DYSF: variants seen among roughly 807,000 people sequenced by gnomAD.
DYSF encodes the protein dystrophy-associated fer-1-like 1.
A neutral mutation model predicts 274.9 loss-of-function variants in DYSF; 212 were observed. The observed-to-expected ratio is 0.77, with a 90% confidence interval of 0.69 to 0.86. The LOEUF (loss-of-function observed/expected upper bound fraction) is 0.86. Ranked by LOEUF, DYSF falls within the 40% of genes least tolerant of loss-of-function variation. The pLI, the probability that DYSF is intolerant of heterozygous loss-of-function variation, is 0.00. For missense variants in DYSF, 2,666 were observed against 2,783.2 expected (o/e 0.96, Z 0.95); for synonymous variants, 1,091 against 1,078.7 (o/e 1.01, Z -0.22).
chr2:71,665,571 G>C (rs867966306), intron 47 of DYSF, among the ~76,000 whole-genome samples: 1 of 152,214 alleles, frequency 6.6e-6, no homozygotes, highest in Non-Finnish European at 1.5e-5. Context: ...CCATCCGAGG[G>C]CAAGATCAGA....
chr2:71,577,795 C>A (rs2152828478), intron 30 of DYSF, among the ~76,000 whole-genome samples: 1 of 152,280 alleles, frequency 6.6e-6, no homozygotes, highest in East Asian at 1.9e-4. Context: ...GTCCTGATGC[C>A]CCAGCACAGC....
chr2:71,585,923 G>C lies in DYSF; in HGVS notation c.3403-3670G>C, dbSNP rs536080590. Among the ~76,000 whole-genome samples the C allele has an allele frequency of 6.6e-5, 10 of 152,262 alleles. No individual in the cohort carries two copies. The South Asian group carries it at 2.1e-3, about 32-fold the overall frequency. ...CCTTGCAGGGTGACCTTGATGATAA[G>C]ACTGCACAGAAACGTCAGGGGACAC... On this transcript the variant is annotated intron_variant, in intron 30 of 55. Transcript: ENST00000410020.
chr2:71,476,324 G>A (rs62143763), intron 1 of DYSF, among the ~76,000 whole-genome samples: 36,134 of 151,926 alleles, frequency 0.24, 4,805 homozygotes, highest in Non-Finnish European at 0.3. Context: ...GGCCGAGGTG[G>A]GCAGACCACC....
chr2:71,647,208 A>G (rs903584903), intron 42 of DYSF, among the ~76,000 whole-genome samples: 5 of 152,198 alleles, frequency 3.3e-5, no homozygotes, highest in Non-Finnish European at 7.3e-5. Flanking sequence ...CTGAATAACA[A>G]GGTAAATGTT....
At position 71,677,365 on chromosome 2, in the gene DYSF, A is replaced by G. The variant is rs79691867; in HGVS notation, c.5885-1692A>G. On this transcript the variant is annotated intron_variant, in intron 52 of 55. Transcript: ENST00000410020. ...TTTGGCTTCAGAAAATAATTTTTCT[A>G]TTGATCTCTCTTAATCCCTTTGGCA... Among the ~76,000 whole-genome samples, 922 of 152,320 alleles carry G rather than the reference A, an allele frequency of 6.1e-3. 10 individuals are homozygous for G. Among genetic ancestry groups the G allele is most frequent in the African/African-American group, 0.021 (879 of 41,580 alleles).
intron 4 of DYSF, among the ~76,000 whole-genome samples, chr2:71,511,569 A>G (rs1003479839): frequency 6.6e-6 from 1 of 152,200 alleles, no homozygotes; most frequent in African/African-American, 2.4e-5. Context: ...GCGGTCACAG[A>G]TCTTGCCTAA....
intron 13 of DYSF, among the ~76,000 whole-genome samples, chr2:71,527,901 C>T (rs956079040): frequency 1.3e-4 from 19 of 151,960 alleles, no homozygotes; most frequent in African/African-American, 4.1e-4. Flanking sequence ...TCAGGTAAAT[C>T]GCTGCGCTAA....
At chr2:71,645,488 GC>G (rs942797494) in intron 42 of DYSF, among the ~76,000 whole-genome samples, 16 of 151,878 alleles carry the variant, frequency 1.1e-4, no homozygotes, top group African/African-American at 3.6e-4. Flanking sequence ...GTGTTCCTCT[GC>G]TTGTGTGTTC....
intron 3 of DYSF, among the ~76,000 whole-genome samples, chr2:71,483,537 C>T (rs888733111): frequency 6.6e-6 from 1 of 152,142 alleles, no homozygotes; most frequent in African/African-American, 2.4e-5. Flanking sequence ...GACTCAGTCT[C>T]ACGACACGTG....
chr2:71,660,874 G>A (rs1445944983), intron 45 of DYSF, among the ~76,000 whole-genome samples: 4 of 152,014 alleles, frequency 2.6e-5, no homozygotes, highest in Middle Eastern at 3.2e-3. Flanking sequence ...AAACAATTAC[G>A]TCTAAGATCA....
At chr2:71,681,480 G>A (rs902672981) in intron 54 of DYSF, among the ~76,000 whole-genome samples, 4 of 152,234 alleles carry the variant, frequency 2.6e-5, no homozygotes, top group African/African-American at 9.6e-5. Context: ...AGCTAGGACA[G>A]TGGTGAAGCA....
At chr2:71,678,417 A>G (rs78669883) in intron 52 of DYSF, among the ~76,000 whole-genome samples, 1,682 of 152,354 alleles carry the variant, frequency 0.011, 42 homozygotes, top group African/African-American at 0.038. Flanking sequence ...ATGGAAATCA[A>G]AATAAGCCAG....
intron 29 of DYSF, among the ~76,000 whole-genome samples, chr2:71,571,366 G>T (rs947096746): frequency 7.7e-6 from 1 of 129,402 alleles, no homozygotes; most frequent in African/African-American, 3.0e-5. Flanking sequence ...ATCACACCCA[G>T]CACATGCACA....
At chr2:71,560,942 G>T (rs998292454) in intron 22 of DYSF, among the ~76,000 whole-genome samples, 1 of 152,202 alleles carries the variant, frequency 6.6e-6, no homozygotes, top group Non-Finnish European at 1.5e-5. Flanking sequence ...GGAGTGCACA[G>T]ACTGCCCCGC....
chr2:71,662,769 ATG>A (rs750036259), intron 45 of DYSF, among the ~76,000 whole-genome samples: 101 of 123,774 alleles, frequency 8.2e-4, no homozygotes, highest in African/African-American at 2.7e-3. Flanking sequence ...GTGTATTTGT[ATG>A]TGTGTGTGTA....
intron 32 of DYSF, among the ~76,000 whole-genome samples, chr2:71,597,113 G>A (rs993837779): frequency 8.5e-5 from 13 of 152,158 alleles, no homozygotes; most frequent in African/African-American, 1.9e-4. Context: ...CCCTTTGTGC[G>A]GAAGCCCTGT....
In DYSF at chr2:71,611,488, C is replaced by A; in HGVS notation, c.4083C>A (p.Asn1361Lys). The change falls in exon 38 of 56, where the codon AAC becomes AAA. Residue 1361 changes from asparagine (N) to lysine (K), a missense_variant. By Grantham distance (94) the Asn-to-Lys change is moderately conservative. Transcript: ENST00000410020. ...AIEILAWGLR[N>K]MKSYQLANIS... ...AGATCCTGGCATGGGGCCTGCGGAA[C>A]ATGAAGAGTTACCAGCTGGCCAACA... 3 of 1,614,156 alleles carry A rather than the reference C, an allele frequency of 1.9e-6. No individual in the cohort carries two copies. Among genetic ancestry groups the A allele is most frequent in the Non-Finnish European group, 2.5e-6 (3 of 1,180,038 alleles).
intron 24 of DYSF, among the ~76,000 whole-genome samples, chr2:71,564,437 A>T (rs528919677): frequency 1.3e-5 from 2 of 152,274 alleles, no homozygotes; most frequent in South Asian, 4.1e-4. Flanking sequence ...TTTGAGCCGG[A>T]ATCACTGGCG....
At chr2:71,665,344 C>A in intron 47 of DYSF, 40 bp downstream of exon 47, 1 of 1,613,510 alleles carries the variant, frequency 6.2e-7, no homozygotes, top group Non-Finnish European at 8.5e-7. Flanking sequence ...TGGGCTCTCG[C>A]TGTATCCCTC....
Sources: allele counts gnomAD v4.1 joint callset (sites outside exome capture counted in the v4.1 genomes callset), GRCh38; gene constraint gnomAD v4.1.1; transcripts MANE v1.5; gene names NCBI Gene and HGNC (gene_info 2026-07-23, HGNC 2026-07-21).